CCAR1: variants seen among roughly 807,000 people sequenced by gnomAD.
CCAR1 encodes cell division cycle and apoptosis regulator protein 1.
Under a neutral mutation model 163.8 loss-of-function variants are expected in CCAR1, and 78 were observed. That is an observed-to-expected ratio of 0.48 (90% CI 0.40 to 0.57). The LOEUF is 0.57. Among genes scored for constraint, CCAR1 ranks in the 20% least tolerant of loss-of-function variants. The pLI, the probability that CCAR1 is intolerant of heterozygous loss-of-function variation, is 0.00. For missense variants in CCAR1, 1,019 were observed against 1,365.2 expected (o/e 0.75, Z 4.00); for synonymous variants, 443 against 460.7 (o/e 0.96, Z 0.49).
At chr10:68,785,022 A>G (rs1054674441) in intron 19 of CCAR1, among the ~76,000 whole-genome samples, 1 of 145,626 alleles carries the variant, frequency 6.9e-6, no homozygotes, top group Non-Finnish European at 1.5e-5. Flanking sequence ...GGTTCACGCC[A>G]TTCTCCTGTC....
intron 15 of CCAR1, among the ~76,000 whole-genome samples, chr10:68,759,064 A>C (rs2056436513): frequency 6.6e-6 from 1 of 152,086 alleles, no homozygotes; most frequent in Non-Finnish European, 1.5e-5. Context: ...TTGTATATAA[A>C]AGTTACGATC....
At chr10:68,767,048 C>G (rs1589180137) in intron 17 of CCAR1, among the ~76,000 whole-genome samples, 1 of 151,980 alleles carries the variant, frequency 6.6e-6, no homozygotes, top group African/African-American at 2.4e-5. Context: ...TGTTTTTTCC[C>G]TAAGACGCTT....
At chr10:68,740,957 A>G (rs2056175470) in intron 5 of CCAR1, among the ~76,000 whole-genome samples, 1 of 151,392 alleles carries the variant, frequency 6.6e-6, no homozygotes, top group Non-Finnish European at 1.5e-5. Context: ...TCTGTTACCC[A>G]GGCTGGAGTG....
At chr10:68,762,338 A>T (rs79227485) in intron 16 of CCAR1, among the ~76,000 whole-genome samples, 1 of 92,416 alleles carries the variant, frequency 1.1e-5, no homozygotes, top group Non-Finnish European at 2.3e-5. Flanking sequence ...AAAAAAAAAA[A>T]CAAAACAAAA....
rs80182813 is a variant in CCAR1 at position 68,758,579 on chromosome 10, T to G, written c.1920+1202T>G. 2.8e-3 allele frequency among the ~76,000 whole-genome samples: 414 copies of G among 146,604 alleles called. 1 individual carries two copies. The highest frequency in any genetic ancestry group is 3.7e-3 in the South Asian group (17 of 4,554). On this transcript the variant is annotated intron_variant, in intron 15 of 24. Transcript: ENST00000265872. ...TATACATATATATATGTACACACGT[T>G]TGTATATATGTACACACACATATAT...
At chr10:68,787,053 C>T (rs191737066) in intron 21 of CCAR1, 257 of 173,458 alleles carry the variant, frequency 1.5e-3, no homozygotes, top group Middle Eastern at 7.5e-3. Flanking sequence ...CCACTGCACT[C>T]CAGCCTGGGT....
chr10:68,784,757 G>A (rs971095962), intron 19 of CCAR1, among the ~76,000 whole-genome samples: 2 of 151,940 alleles, frequency 1.3e-5, no homozygotes, highest in African/African-American at 4.8e-5. Flanking sequence ...TCATTATGTT[G>A]CCCAGGCTGA....
chr10:68,742,516 A>G lies in CCAR1; in HGVS notation c.465A>G (p.Thr155=), dbSNP rs770537826. The G allele has an allele frequency of 1.2e-6, 2 of 1,614,208 alleles. No individual in the cohort carries two copies. Among genetic ancestry groups the G allele is most frequent in the East Asian group, 2.2e-5 (1 of 44,882 alleles). The change falls in exon 6 of 25, where the codon ACA becomes ACG. Residue 155 remains threonine, a synonymous_variant. Coordinates refer to ENST00000265872, the MANE Select transcript of CCAR1 (RefSeq NM_018237.4). ...QKQRVFTGVV[T]KLHDTFGFVD... Reference sequence around the variant, plus strand: ...AGCGTGTTTTCACAGGGGTGGTTACAAAACTACATGATACGTTTGGATTTG... The same window carrying G: ...AGCGTGTTTTCACAGGGGTGGTTACGAAACTACATGATACGTTTGGATTTG...
intron 8 of CCAR1, among the ~76,000 whole-genome samples, chr10:68,748,598 A>G (rs1367944559): frequency 2.0e-5 from 3 of 147,982 alleles, no homozygotes; most frequent in East Asian, 4.0e-4. Context: ...AAGTGATCCT[A>G]CTGCCTCAGC....
chr10:68,786,770 T>G, intron 21 of CCAR1, 78 bp downstream of exon 21: 2 of 1,286,808 alleles, frequency 1.6e-6, no homozygotes, highest in South Asian at 1.3e-5. Flanking sequence ...ATAGAACCTC[T>G]GTTGACTTTT....
intron 2 of CCAR1, among the ~76,000 whole-genome samples, chr10:68,727,582 G>A (rs2055967705): frequency 6.6e-6 from 1 of 151,876 alleles, no homozygotes; most frequent in African/African-American, 2.4e-5. Context: ...TATTTTTGTG[G>A]CCCTGTTTTT....
At chr10:68,729,378 TC>T (rs1410115389) in intron 2 of CCAR1, among the ~76,000 whole-genome samples, 1 of 151,704 alleles carries the variant, frequency 6.6e-6, no homozygotes, top group African/African-American at 2.4e-5. Context: ...CATGCCATTC[TC>T]CTGCCTCAGC....
chr10:68,746,182 A>AG (rs2056252021), intron 6 of CCAR1, among the ~76,000 whole-genome samples: 2 of 151,998 alleles, frequency 1.3e-5, no homozygotes, highest in Admixed American at 6.6e-5. Flanking sequence ...CATCTTGACC[A>AG]GACTGGTCTT....
chr10:68,748,331 C>T (rs1290158343), intron 8 of CCAR1, among the ~76,000 whole-genome samples: 3 of 151,766 alleles, frequency 2.0e-5, no homozygotes, highest in South Asian at 2.1e-4. Flanking sequence ...ACCCAGGAGG[C>T]GGAGGTTGCA....
rs549263622 is a variant in CCAR1 at position 68,761,162 on chromosome 10, T to A, written c.2076T>A (p.Asp692Glu). 24 of 1,603,396 alleles carry A rather than the reference T, an allele frequency of 1.5e-5. No homozygotes were observed. The East Asian group carries it at 4.7e-4, about 31-fold the overall frequency. The change falls in exon 16 of 25, where the codon GAT becomes GAA. Residue 692 changes from aspartate (D) to glutamate (E), a missense_variant. Asp to Glu is a conservative substitution (Grantham distance 45). Transcript: ENST00000265872. Reference protein sequence around the residue: ...LEKSEKEEDEDDDRKSEDDKE... With the variant: ...LEKSEKEEDEEDDRKSEDDKE... ...AATCTGAAAAAGAAGAGGATGAGGATGATGATAGGAAATCTGAAGACGATA... is the reference window on the plus strand; with the variant it reads ...AATCTGAAAAAGAAGAGGATGAGGAAGATGATAGGAAATCTGAAGACGATA...
At chr10:68,742,755 A>T (rs892852933) in intron 6 of CCAR1, among the ~76,000 whole-genome samples, 186 bp downstream of exon 6, 4 of 151,964 alleles carry the variant, frequency 2.6e-5, no homozygotes, top group Non-Finnish European at 4.4e-5. Flanking sequence ...AGCTGGGATG[A>T]CAGGCGTGCA....
chr10:68,786,484 C>T, intron 20 of CCAR1, 62 bp from the exon 21 acceptor site: 1 of 1,231,658 alleles, frequency 8.1e-7, no homozygotes, highest in African/African-American at 1.5e-5. Context: ...CCGTTTCTCA[C>T]TTTTTGGGGG....
Position 68,766,147 on chromosome 10 carries a change from A to G in CCAR1, c.2298+68A>G, listed in dbSNP as rs953414609. 8.7e-6 allele frequency: 8 copies of G among 914,374 alleles called. No homozygotes were observed. The Admixed American group carries it at 1.0e-4, about 12-fold the overall frequency. The allele number at this position is 914,374 out of a possible 1,614,324, so 56.6% of individuals were successfully genotyped here. A position where few individuals can be genotyped will look rare whatever the true frequency, so the allele number is the denominator to read the frequency against. On this transcript the variant is annotated intron_variant, in intron 17 of 24. Transcript: ENST00000265872. ...CATTATGACTAGTTAATATATCTCTATCTCTGAAATCTTTTTTCTTTGTTT... is the reference window on the plus strand; with the variant it reads ...CATTATGACTAGTTAATATATCTCTGTCTCTGAAATCTTTTTTCTTTGTTT...
intron 6 of CCAR1, among the ~76,000 whole-genome samples, chr10:68,745,945 T>C (rs925029322): frequency 7.2e-5 from 11 of 152,014 alleles, no homozygotes; most frequent in African/African-American, 2.4e-4. Flanking sequence ...CCATCTACTT[T>C]TTCTTATTTT....
Sources: gnomAD v4.1 joint callset for allele counts (sites outside exome capture counted in the v4.1 genomes callset) on GRCh38, gnomAD v4.1.1 for gene constraint, MANE v1.5 for transcripts, NCBI Gene and HGNC (gene_info 2026-07-23, HGNC 2026-07-21) for gene names.